APBA1: variants seen among roughly 807,000 people sequenced by gnomAD.
APBA1 encodes amyloid-beta A4 precursor protein-binding family A member 1.
APBA1 carries 55 observed loss-of-function variants against 86.6 expected under a neutral mutation model. The ratio of observed to expected loss-of-function variants is 0.64; its 90% CI spans 0.51 to 0.80. The LOEUF is 0.80. Among genes scored for constraint, APBA1 ranks in the 30% least tolerant of loss-of-function variants. The pLI, the probability that APBA1 is intolerant of heterozygous loss-of-function variation, is 0.00. For missense variants in APBA1, 1,090 were observed against 1,183.0 expected (o/e 0.92, Z 1.15); for synonymous variants, 511 against 493.9 (o/e 1.03, Z -0.46).
chr9:69,541,547 A>ATTT (rs11461593), intron 1 of APBA1, among the ~76,000 whole-genome samples: 40 of 142,098 alleles, frequency 2.8e-4, no homozygotes, highest in African/African-American at 5.0e-4. Context: ...TCTTTTTTGC[A>ATTT]TTTTTTTTTT....
intron 1 of APBA1, among the ~76,000 whole-genome samples, chr9:69,595,457 G>A (rs1247063986): frequency 6.6e-6 from 1 of 152,138 alleles, no homozygotes; most frequent in Non-Finnish European, 1.5e-5. Flanking sequence ...GCTCTCCATG[G>A]CTTCGGACTA....
intron 2 of APBA1, among the ~76,000 whole-genome samples, chr9:69,498,922 A>C (rs1051432899): frequency 6.6e-6 from 1 of 152,112 alleles, no homozygotes; most frequent in South Asian, 2.1e-4. Context: ...TTGAGAACAC[A>C]TTTATACCTC....
intron 1 of APBA1, among the ~76,000 whole-genome samples, chr9:69,531,221 G>A (rs1037375209): frequency 2.0e-5 from 3 of 152,138 alleles, no homozygotes; most frequent in Admixed American, 6.5e-5. Flanking sequence ...TACCATGACA[G>A]ACAGGACAGT....
chr9:69,444,362 G>A (rs1047087745), intron 10 of APBA1, among the ~76,000 whole-genome samples: 1 of 152,216 alleles, frequency 6.6e-6, no homozygotes, highest in African/African-American at 2.4e-5. Context: ...CATCGACAAA[G>A]GGAGATGCTC....
chr9:69,450,947 C>G (rs1026404448), intron 9 of APBA1, among the ~76,000 whole-genome samples: 5 of 152,210 alleles, frequency 3.3e-5, no homozygotes, highest in Non-Finnish European at 5.9e-5. Flanking sequence ...TCTCTCACGG[C>G]TCTCAGAAGG....
intron 1 of APBA1, among the ~76,000 whole-genome samples, chr9:69,562,646 A>C (rs1010277662): frequency 2.6e-5 from 4 of 152,176 alleles, no homozygotes; most frequent in Admixed American, 1.3e-4. Flanking sequence ...AAGTGCTGGG[A>C]TTACAGACGT....
At position 69,596,603 on chromosome 9, in the gene APBA1, A is replaced by G. The variant is rs1021689128; in HGVS notation, c.-70+75550T>C. On this transcript the variant is annotated intron_variant, in intron 1 of 12. Coordinates refer to ENST00000265381, the MANE Select transcript of APBA1 (RefSeq NM_001163.4). ...CATGTTCCGAGCATGTTATTAATAG[A>G]AAGAAGGGTGCACATCATCCTTTAA... Among the ~76,000 whole-genome samples the G allele has an allele frequency of 3.3e-5, 5 of 152,308 alleles. No individual in the cohort carries two copies. The East Asian group carries it at 9.6e-4, about 29-fold the overall frequency.
Position 69,427,893 on chromosome 9 carries a change from A to AGGGTG in APBA1, c.*3433_*3434insCACCC. On this transcript the variant is annotated 3_prime_UTR_variant, in exon 13 of 13. Coordinates refer to ENST00000265381, the MANE Select transcript of APBA1 (RefSeq NM_001163.4). The stretch of plus-strand genomic sequence containing the variant: ...AAGCTCTATTTCACCCTCTTTACAG[A>AGGGTG]ACAATAGTACAAGTTCATACTCTAG... The AGGGTG allele has an allele frequency of 6.6e-6, 1 of 152,306 alleles. No homozygotes were observed. The highest frequency in any genetic ancestry group is 6.5e-5 in the Admixed American group (1 of 15,300). 9.4% of individuals were successfully genotyped at this position (152,306 alleles called of 1,614,324 possible).
intron 10 of APBA1, among the ~76,000 whole-genome samples, chr9:69,441,464 A>G (rs751797390): frequency 1.2e-4 from 18 of 152,182 alleles, no homozygotes; most frequent in Non-Finnish European, 2.5e-4. Flanking sequence ...TTCAAAGATG[A>G]AGGAGGCACA....
chr9:69,531,557 C>A (rs1244589330), intron 1 of APBA1, among the ~76,000 whole-genome samples: 1 of 152,156 alleles, frequency 6.6e-6, no homozygotes, highest in Admixed American at 6.5e-5. Flanking sequence ...AGCACTCCAG[C>A]CTTGTCCTCC....
intron 1 of APBA1, among the ~76,000 whole-genome samples, chr9:69,619,317 A>G (rs1254894559): frequency 1.3e-5 from 2 of 152,240 alleles, no homozygotes; most frequent in Non-Finnish European, 2.9e-5. Context: ...ACAGAACTAT[A>G]GAAGCAACTG....
intron 1 of APBA1, among the ~76,000 whole-genome samples, chr9:69,518,434 C>T (rs2133892629): frequency 6.6e-6 from 1 of 152,246 alleles, no homozygotes; most frequent in Non-Finnish European, 1.5e-5. Context: ...AACTGGATAA[C>T]AGGTGTAATT....
chr9:69,563,583 C>A (rs1836980199), intron 1 of APBA1, among the ~76,000 whole-genome samples: 1 of 152,188 alleles, frequency 6.6e-6, no homozygotes, highest in Admixed American at 6.5e-5. Flanking sequence ...TCTACTCCAC[C>A]TGACTTGTAT....
In APBA1 at chr9:69,516,315, T is replaced by G; in HGVS notation, c.896A>C (p.Asp299Ala). Residue 299 changes from aspartate (D) to alanine (A), a missense_variant, in exon 2 of 13, where the codon GAC (aspartate) becomes GCC (alanine). Transcript: ENST00000265381. The surrounding 1 kb of genome is among the most constrained non-coding windows in gnomAD (Gnocchi z 7.3). The stretch of plus-strand genomic sequence containing the variant: ...GGCCGGGGTAGGGGGACGCTCCAGG[T>G]CCTGCTCGGCCTCAGGCATGTCCTC... Reference protein sequence around the residue: ...AAEDMPEAEQDLERPPTPAGG... With the variant: ...AAEDMPEAEQALERPPTPAGG... 1.9e-6 allele frequency: 3 copies of G among 1,588,906 alleles called. No individual in the cohort carries two copies. The highest frequency in any genetic ancestry group is 2.6e-6 in the Non-Finnish European group (3 of 1,173,758).
At chr9:69,567,964 A>G (rs140851869) in intron 1 of APBA1, among the ~76,000 whole-genome samples, 4 of 152,348 alleles carry the variant, frequency 2.6e-5, no homozygotes, top group African/African-American at 9.6e-5. Flanking sequence ...GGAATGTTCC[A>G]GACTTCATCC....
At chr9:69,586,814 A>G (rs1409279850) in intron 1 of APBA1, among the ~76,000 whole-genome samples, 1 of 152,188 alleles carries the variant, frequency 6.6e-6, no homozygotes. Flanking sequence ...GCCCATTACA[A>G]CTAACAACCC....
At chr9:69,502,528 C>T (rs1204643512) in intron 2 of APBA1, among the ~76,000 whole-genome samples, 5 of 152,042 alleles carry the variant, frequency 3.3e-5, no homozygotes, top group Admixed American at 2.0e-4. Flanking sequence ...AAAAAAATTA[C>T]TCCGGTTGCA....
chr9:69,529,403 C>A (rs1444012695), intron 1 of APBA1, among the ~76,000 whole-genome samples: 1 of 152,006 alleles, frequency 6.6e-6, no homozygotes, highest in African/African-American at 2.4e-5. Flanking sequence ...CCTCCCAAGA[C>A]AATCAATTCT....
chr9:69,592,209 A>T (rs997557888), intron 1 of APBA1, among the ~76,000 whole-genome samples: 1 of 152,230 alleles, frequency 6.6e-6, no homozygotes, highest in Non-Finnish European at 1.5e-5. Context: ...CTGAACAGGA[A>T]ATTGAAGTCC....
Sources: gnomAD v4.1 joint callset for allele counts (sites outside exome capture counted in the v4.1 genomes callset) on GRCh38, gnomAD v4.1.1 for gene constraint, Gnocchi (gnomAD v3.1) non-coding constraint, MANE v1.5 for transcripts, NCBI Gene and HGNC (gene_info 2026-07-23, HGNC 2026-07-21) for gene names.